ACAD8: variants seen among roughly 807,000 people sequenced by gnomAD.
ACAD8 encodes acyl-CoA dehydrogenase family member 8, also known as isobutyryl-CoA dehydrogenase, mitochondrial.
In ACAD8, 47 loss-of-function variants were observed where a neutral mutation model predicts 53.1. The observed-to-expected ratio is 0.89, with a 90% confidence interval of 0.70 to 1.13. The LOEUF is 1.13. ACAD8 is among the 50% of genes most tolerant of loss of function. The probability of loss-of-function intolerance (pLI) is 0.00; values close to 1 mark genes in which losing one functional copy is unlikely to be tolerated. For synonymous variants in ACAD8, 198 were observed against 201.3 expected (o/e 0.98, Z 0.14); for missense variants, 494 against 535.0 (o/e 0.92, Z 0.76).
At position 134,259,074 on chromosome 11, in the gene ACAD8, A is replaced by G. The variant is rs200170162; in HGVS notation, c.557A>G (p.Asn186Ser). ...AAACAGGGAGATCATTACATCCTCA[A>G]TGGCTCCAAGGTACTAGCGTGCGTC... ...AKKQGDHYIL[N>S]GSKAFISGAG... Residue 186 changes from asparagine to serine, a missense_variant, in exon 5 of 11, where the codon AAT (asparagine) becomes AGT (serine). Coordinates refer to ENST00000281182, the MANE Select transcript of ACAD8 (RefSeq NM_014384.3). 219 of 1,613,970 alleles carry G rather than the reference A, an allele frequency of 1.4e-4. No individual in the cohort carries two copies. The highest frequency in any genetic ancestry group is 8.9e-4 in the East Asian group (40 of 44,886).
At chr11:134,253,806 C>A in intron 1 of ACAD8, 97 bp downstream of exon 1, 2 of 1,263,038 alleles carry the variant, frequency 1.6e-6, no homozygotes, top group Non-Finnish European at 2.2e-6. Context: ...TCCAGTCACC[C>A]CGGCGTCAGC....
At chr11:134,257,545 C>T (rs1212513216) in intron 3 of ACAD8, among the ~76,000 whole-genome samples, 14 of 151,864 alleles carry the variant, frequency 9.2e-5, no homozygotes, top group Non-Finnish European at 1.6e-4. Context: ...TGGTGGCTGG[C>T]GCCTGTAGTC....
chr11:134,260,767 A>G (rs1050934470), intron 6 of ACAD8: 2 of 480,808 alleles, frequency 4.2e-6, no homozygotes, highest in South Asian at 2.1e-5. Flanking sequence ...TGGTGTCACA[A>G]TCCTAAAAGA....
At position 134,261,525 on chromosome 11, in the gene ACAD8, T is replaced by C. The variant is rs1045693393; in HGVS notation, c.939+153T>C. 4 of 1,506,466 alleles carry C rather than the reference T, an allele frequency of 2.7e-6. No individual in the cohort carries two copies. 93.3% of individuals were successfully genotyped at this position (1,506,466 alleles called of 1,614,324 possible). Reference sequence around the variant, plus strand: ...TTGTGCTTTATTTCTGTCCATCTTTTCTTGGGATATCTTTAACGATATTAA... The same window carrying C: ...TTGTGCTTTATTTCTGTCCATCTTTCCTTGGGATATCTTTAACGATATTAA... On this transcript the variant is annotated intron_variant, in intron 8 of 10. Coordinates refer to ENST00000281182, the MANE Select transcript of ACAD8 (RefSeq NM_014384.3). The surrounding 1 kb of genome is among the most constrained non-coding windows in gnomAD (Gnocchi z 4.2).
chr11:134,259,642 A>T lies in ACAD8; in HGVS notation c.602A>T (p.Tyr201Phe). 1 of 1,614,124 alleles carries T rather than the reference A, an allele frequency of 6.2e-7. No homozygotes were observed. Among genetic ancestry groups the T allele is most frequent in the African/African-American group, 1.3e-5 (1 of 75,028 alleles). Residue 201 changes from tyrosine to phenylalanine, a missense_variant, in exon 6 of 11, where the codon TAT becomes TTT. Physicochemically the swap from Tyr to Phe is conservative, Grantham distance 22. Transcript: ENST00000281182. ...FISGAGESDI[Y>F]VVMCRTGGPG... is the part of the protein sequence containing the mutation. ...AGTGGTGCTGGTGAGTCAGACATCT[A>T]TGTGGTCATGTGCCGAACAGGAGGA...
intron 1 of ACAD8, 27 bp from the exon 2 acceptor site, chr11:134,256,521 G>C (rs775699612): frequency 7.5e-6 from 12 of 1,595,936 alleles, no homozygotes; most frequent in Non-Finnish European, 1.0e-5. Flanking sequence ...CCCTGTCCTA[G>C]AACAGTATAT....
At chr11:134,259,911 C>T in intron 6 of ACAD8, 166 bp downstream of exon 6, 1 of 1,469,562 alleles carries the variant, frequency 6.8e-7, no homozygotes, top group Non-Finnish European at 9.1e-7. Flanking sequence ...TACAACAGGG[C>T]ATTATTAAAC....
In ACAD8 at chr11:134,261,698, C is replaced by T; in HGVS notation, c.940-40C>T. On this transcript the variant is annotated intron_variant, in intron 8 of 10. Transcript: ENST00000281182. The surrounding 1 kb of genome is among the most constrained non-coding windows in gnomAD (Gnocchi z 4.2). ...CTCCTGCACCAGGTGCTGGTCTAAGCCCCTCAGTCTTGTCTGGTTCTCTGC... is the reference window on the plus strand; with the variant it reads ...CTCCTGCACCAGGTGCTGGTCTAAGTCCCTCAGTCTTGTCTGGTTCTCTGC... The T allele has an allele frequency of 6.2e-7, 1 of 1,611,080 alleles. No individual in the cohort carries two copies. The highest frequency in any genetic ancestry group is 8.5e-7 in the Non-Finnish European group (1 of 1,179,946).
Position 134,258,570 on chromosome 11 carries a change from T to A in ACAD8, c.436T>A (p.Cys146Ser). ...FGNEEQRHKF[C>S]PPLCTMEKFA... ...AAATGAGGAACAGAGGCACAAATTT[T>A]GCCCACCGCTCTGTACCATGGAGAA... Residue 146 changes from cysteine (C) to serine (S), a missense_variant, in exon 4 of 11, where the codon TGC becomes AGC. By Grantham distance (112) the Cys-to-Ser change is moderately radical. Transcript: ENST00000281182. The A allele has an allele frequency of 6.2e-7, 1 of 1,614,128 alleles. No individual in the cohort carries two copies. The highest frequency in any genetic ancestry group is 8.5e-7 in the Non-Finnish European group (1 of 1,180,034).
At chr11:134,258,137 A>C (rs1009860572) in intron 3 of ACAD8, 1 of 338,608 alleles carries the variant, frequency 3.0e-6, no homozygotes, top group African/African-American at 2.1e-5. Flanking sequence ...GATGTGAGCC[A>C]CCGCACCCGG....
At chr11:134,255,580 A>C (rs1243848873) in intron 1 of ACAD8, among the ~76,000 whole-genome samples, 1 of 152,274 alleles carries the variant, frequency 6.6e-6, no homozygotes, top group Non-Finnish European at 1.5e-5. Flanking sequence ...GACCCCAGTC[A>C]GAGAACCATG....
intron 1 of ACAD8, 84 bp downstream of exon 1, chr11:134,253,793 C>T (rs969022237): frequency 3.3e-5 from 45 of 1,352,938 alleles, no homozygotes; most frequent in Non-Finnish European, 4.4e-5. Flanking sequence ...TCTCCCCGTT[C>T]CATCCAGTCA....
Position 134,256,567 on chromosome 11 carries a change from A to G in ACAD8, c.129A>G (p.Glu43=), listed in dbSNP as rs1355409016. The change falls in exon 2 of 11, where the codon GAA becomes GAG. Residue 43 remains glutamate, a synonymous_variant. Transcript: ENST00000281182. Reference sequence around the variant, plus strand: ...CCACAGCTTCCATGGGACTTAATGAAGAGCAGAAAGAATTTCAAAAAGTGG... The same window carrying G: ...CCACAGCTTCCATGGGACTTAATGAGGAGCAGAAAGAATTTCAAAAAGTGG... ...SCIDPSMGLN[E]EQKEFQKVAF... The G allele has an allele frequency of 1.2e-6, 2 of 1,614,224 alleles. No individual in the cohort carries two copies. The highest frequency in any genetic ancestry group is 1.7e-6 in the Non-Finnish European group (2 of 1,180,028).
rs578035325 is a variant in ACAD8 at position 134,261,229 on chromosome 11, T to G, written c.842-46T>G. 1 of 1,614,132 alleles carries G rather than the reference T, an allele frequency of 6.2e-7. No homozygotes were observed. Among genetic ancestry groups the G allele is most frequent in the South Asian group, 1.1e-5 (1 of 91,074 alleles). On this transcript the variant is annotated intron_variant, in intron 7 of 10. Coordinates refer to ENST00000281182, the MANE Select transcript of ACAD8 (RefSeq NM_014384.3). The surrounding 1 kb of genome is among the most constrained non-coding windows in gnomAD (Gnocchi z 4.2). ...GGAGGTAGCGGTCCGGGACAGGCAC[T>G]GCTGTTTTCCAGCTTGGTTGGAACG...
Position 134,264,278 on chromosome 11 carries a change from G to A in ACAD8, c.1196-630G>A, listed in dbSNP as rs1447533457. 2.6e-5 allele frequency among the ~76,000 whole-genome samples: 4 copies of A among 152,336 alleles called. No individual in the cohort carries two copies. In the East Asian group the frequency reaches 5.8e-4, roughly 22 times the overall value. On this transcript the variant is annotated intron_variant, in intron 10 of 10. Transcript: ENST00000281182. ...GAAGATCGCTTGAACCCAGGAGGTG[G>A]AGGTTGCAGTGAGCTGAGATTGCAC...
In ACAD8 at chr11:134,257,119, CA is replaced by C. The variant is rs1173943014; in HGVS notation, c.243del (p.Ala82ProfsTer3). On this transcript the variant is annotated frameshift_variant, in exon 3 of 11. Coordinates refer to ENST00000281182, the MANE Select transcript of ACAD8 (RefSeq NM_014384.3). LOFTEE classifies it high-confidence loss of function. Reference protein sequence around the residue: ...ELFPVDVMRKAAQLGFGGVYI... With the variant: ...ELFPVDVMRKXAQLGFGGVYI... The stretch of plus-strand genomic sequence containing the variant: ...TTCCCAGTGGATGTGATGCGGAAGG[CA>C]GCCCAGCTAGGCTTCGGAGGGGTCT... 6.2e-7 allele frequency: 1 copy of C among 1,614,178 alleles called. No homozygotes were observed. The highest frequency in any genetic ancestry group is 1.3e-5 in the African/African-American group (1 of 75,044).
At chr11:134,255,901 C>CT (rs1386987513) in intron 1 of ACAD8, among the ~76,000 whole-genome samples, 1 of 151,948 alleles carries the variant, frequency 6.6e-6, no homozygotes, top group Non-Finnish European at 1.5e-5. Flanking sequence ...CCATAGTGCT[C>CT]TTTTTTCTTT....
At chr11:134,263,729 C>T (rs1163665050) in intron 10 of ACAD8, 1 of 985,306 alleles carries the variant, frequency 1.0e-6, no homozygotes, top group East Asian at 1.1e-4. Flanking sequence ...ACTCTCTCTC[C>T]ACCCTGCAAT....
At position 134,261,274 on chromosome 11, in the gene ACAD8, G is replaced by C; in HGVS notation, c.842-1G>C. The C allele has an allele frequency of 6.2e-7, 1 of 1,614,184 alleles. No homozygotes were observed. Among genetic ancestry groups the C allele is most frequent in the South Asian group, 1.1e-5 (1 of 91,082 alleles). The stretch of plus-strand genomic sequence containing the variant: ...GGAACGTCGGCGCTCTTCCCCTCTA[G>C]CTTCCTGCTCCCTGGGGGCTGCCCA... On this transcript the variant is annotated splice_acceptor_variant, in intron 7 of 10. Transcript: ENST00000281182. LOFTEE classifies it high-confidence loss of function. This position sits in a 1 kb window ranked among gnomAD's most constrained non-coding sequence, Gnocchi z 4.2.
Sources: gnomAD v4.1 joint callset for allele counts (sites outside exome capture counted in the v4.1 genomes callset) on GRCh38, gnomAD v4.1.1 for gene constraint, Gnocchi (gnomAD v3.1) non-coding constraint, MANE v1.5 for transcripts, NCBI Gene and HGNC (gene_info 2026-07-23, HGNC 2026-07-21) for gene names.